STKLD1: variants seen among roughly 807,000 people sequenced by gnomAD.
STKLD1 encodes the protein serine/threonine kinase-like domain-containing protein STKLD1.
STKLD1 carries 79 observed loss-of-function variants against 80.4 expected under a neutral mutation model. The ratio of observed to expected loss-of-function variants is 0.98; its 90% CI spans 0.82 to 1.19. STKLD1 has a LOEUF of 1.19. STKLD1 is among the 50% of genes most tolerant of loss of function. The pLI, the probability that STKLD1 is intolerant of heterozygous loss-of-function variation, is 0.00. For missense variants in STKLD1, 841 were observed against 856.0 expected (o/e 0.98, Z 0.22); for synonymous variants, 393 against 357.6 (o/e 1.10, Z -1.12).
chr9:133,398,468 T>TACA (rs1838617559), intron 11 of STKLD1, among the ~76,000 whole-genome samples: 1 of 152,194 alleles, frequency 6.6e-6, no homozygotes, highest in African/African-American at 2.4e-5. Flanking sequence ...TTTTCACAGA[T>TACA]ACAACTTGCC....
chr9:133,395,693 G>C lies in STKLD1; in HGVS notation c.796G>C (p.Asp266His). 6.2e-7 allele frequency: 1 copy of C among 1,613,518 alleles called. No individual in the cohort carries two copies. Among genetic ancestry groups the C allele is most frequent in the Non-Finnish European group, 8.5e-7 (1 of 1,180,026 alleles). ...LKTMEEKQIP[D>H]VETFRNLLPL... is the part of the protein sequence containing the mutation. Reference sequence around the variant, plus strand: ...GACAATGGAGGAGAAGCAGATCCCGGATGTGGAAACCTTCAGGAATCTTCT... The same window carrying C: ...GACAATGGAGGAGAAGCAGATCCCGCATGTGGAAACCTTCAGGAATCTTCT... The change falls in exon 9 of 18, where the codon GAT becomes CAT. Residue 266 changes from aspartate to histidine, a missense_variant. Transcript: ENST00000371957.
intron 2 of STKLD1, among the ~76,000 whole-genome samples, chr9:133,380,556 C>T (rs1478417108): frequency 2.0e-5 from 3 of 151,990 alleles, no homozygotes; most frequent in Non-Finnish European, 4.4e-5. Flanking sequence ...TGGGAGCTGA[C>T]GCGGGAGAAT....
chr9:133,387,198 G>A (rs1376386544), intron 4 of STKLD1, among the ~76,000 whole-genome samples: 3 of 152,202 alleles, frequency 2.0e-5, no homozygotes, highest in African/African-American at 7.2e-5. Context: ...GGGGACAAGT[G>A]CAGCTTTTGG....
At chr9:133,380,566 T>A (rs1290277226) in intron 2 of STKLD1, among the ~76,000 whole-genome samples, 1 of 152,084 alleles carries the variant, frequency 6.6e-6, no homozygotes, top group Admixed American at 6.6e-5. Context: ...CGCGGGAGAA[T>A]TGCTTGAACC....
chr9:133,376,601 GT>G, intron 1 of STKLD1, 41 bp downstream of exon 1: 1 of 1,524,286 alleles, frequency 6.6e-7, no homozygotes, highest in Non-Finnish European at 8.8e-7. Context: ...GCTCCGTGGG[GT>G]AACGGTCGCA....
chr9:133,404,024 C>T lies in STKLD1; in HGVS notation c.1708C>T (p.Leu570=). ...GCTGGTGAACAATGCCTACCGGGGA[C>T]TGGCCAGCCTGGTGAAGGTGTCAGG... The part of the protein sequence containing the change: ...ALLVNNAYRG[L]ASLVKVSELA... The change falls in exon 16 of 18, where the codon CTG becomes TTG. Residue 570 remains leucine (L), a synonymous_variant. Coordinates refer to ENST00000371957, the MANE Select transcript of STKLD1 (RefSeq NM_153710.5). 6.2e-7 allele frequency: 1 copy of T among 1,608,550 alleles called. No individual in the cohort carries two copies. The highest frequency in any genetic ancestry group is 1.8e-4 in the Middle Eastern group (1 of 5,568).
chr9:133,383,847 C>T lies in STKLD1; in HGVS notation c.175-9C>T, dbSNP rs1303859134. Reference sequence around the variant, plus strand: ...TGTTTATTAAGCTCATGCTCTTGTGCCCTTGCAGGTGGAATGCATGGATGA... The same window carrying T: ...TGTTTATTAAGCTCATGCTCTTGTGTCCTTGCAGGTGGAATGCATGGATGA... On this transcript the variant is annotated splice_polypyrimidine_tract_variant and intron_variant, in intron 2 of 17. Transcript: ENST00000371957. 1 of 1,613,526 alleles carries T rather than the reference C, an allele frequency of 6.2e-7. No individual in the cohort carries two copies.
intron 11 of STKLD1, among the ~76,000 whole-genome samples, chr9:133,399,231 C>A (rs1160816798): frequency 6.6e-6 from 1 of 152,224 alleles, no homozygotes; most frequent in East Asian, 1.9e-4. Context: ...CTGAACATTA[C>A]CTTCACATAT....
In STKLD1 at chr9:133,389,697, A is replaced by T. The variant is rs1413677897; in HGVS notation, c.467+101A>T. ...GTGCCCGTGGGCAGGATCTGGGGAG[A>T]AAGGTGCACCGGGCCAGTGCAGCCA... On this transcript the variant is annotated intron_variant, in intron 6 of 17. Coordinates refer to ENST00000371957, the MANE Select transcript of STKLD1 (RefSeq NM_153710.5). This position sits in a 1 kb window ranked among gnomAD's most constrained non-coding sequence, Gnocchi z 6.4. 1.9e-6 allele frequency: 3 copies of T among 1,551,296 alleles called. No individual in the cohort carries two copies. The Admixed American group carries it at 5.7e-5, about 29-fold the overall frequency.
At chr9:133,397,029 A>T (rs1838579615) in intron 9 of STKLD1, 135 bp from the exon 10 acceptor site, 1 of 1,316,240 alleles carries the variant, frequency 7.6e-7, no homozygotes, top group Non-Finnish European at 1.0e-6. Context: ...CTGCCAAATG[A>T]ATCCCAAAAC....
chr9:133,378,306 C>A (rs1296078965), intron 1 of STKLD1, among the ~76,000 whole-genome samples: 1 of 152,196 alleles, frequency 6.6e-6, no homozygotes, highest in Non-Finnish European at 1.5e-5. Flanking sequence ...TCCTCTGGGT[C>A]CTGCCCTCCC....
chr9:133,386,124 G>C (rs1013227782), intron 4 of STKLD1, among the ~76,000 whole-genome samples: 1 of 152,158 alleles, frequency 6.6e-6, no homozygotes, highest in African/African-American at 2.4e-5. Flanking sequence ...TCACCATGTT[G>C]GCTGGGCTGG....
chr9:133,404,850 G>A lies in STKLD1; in HGVS notation c.1794G>A (p.Lys598=), dbSNP rs1457665024. 6.2e-7 allele frequency: 1 copy of A among 1,613,058 alleles called. No individual in the cohort carries two copies. Among genetic ancestry groups the A allele is most frequent in the Non-Finnish European group, 8.5e-7 (1 of 1,179,642 alleles). ...GCGGCAGTGGCCTCAGCCTCATCAAGGAGACCTACCAGCTCCACAGGGACG... is the reference window on the plus strand; with the variant it reads ...GCGGCAGTGGCCTCAGCCTCATCAAAGAGACCTACCAGCTCCACAGGGACG... The part of the protein sequence containing the change: ...EEGGSGLSLI[K]ETYQLHRDDP... Residue 598 remains lysine, a synonymous_variant, in exon 17 of 18, where the codon AAG becomes AAA. Coordinates refer to ENST00000371957, the MANE Select transcript of STKLD1 (RefSeq NM_153710.5).
intron 2 of STKLD1, among the ~76,000 whole-genome samples, chr9:133,382,333 A>T (rs2130268209): frequency 8.5e-5 from 13 of 152,366 alleles, no homozygotes; most frequent in African/African-American, 2.9e-4. Context: ...CAAAAGGAGC[A>T]AAGATGTTCT....
Position 133,390,200 on chromosome 9 carries a change from C to A in STKLD1, c.468-481C>A, listed in dbSNP as rs1253449439. On this transcript the variant is annotated intron_variant, in intron 6 of 17. Transcript: ENST00000371957. This position sits in a 1 kb window ranked among gnomAD's most constrained non-coding sequence, Gnocchi z 5.1. ...CTGGGCAACCCTGACTTAAAACACA[C>A]ACACACACACACACACACACACACA... is the stretch of plus-strand genomic sequence containing the variant. Among the ~76,000 whole-genome samples, 1 of 3,264 alleles carries A rather than the reference C, an allele frequency of 3.1e-4. No homozygotes were observed. The highest frequency in any genetic ancestry group is 1.6e-3 in the Non-Finnish European group (1 of 618). The allele number at this position is 3,264 out of a possible 152,430, so 2.1% of individuals were successfully genotyped here. A position where few individuals can be genotyped will look rare whatever the true frequency, so the allele number is the denominator to read the frequency against.
chr9:133,402,771 C>G, intron 13 of STKLD1, 107 bp from the exon 14 acceptor site: 1 of 1,289,482 alleles, frequency 7.8e-7, no homozygotes, highest in Non-Finnish European at 1.1e-6. Context: ...CCAGAGCAGG[C>G]ACCTAGGATT....
chr9:133,397,418 A>AGTGGG, intron 10 of STKLD1, 124 bp downstream of exon 10: 1 of 1,289,142 alleles, frequency 7.8e-7, no homozygotes. Context: ...ATGCACGACC[A>AGTGGG]GTGGGTAGGA....
intron 14 of STKLD1, 53 bp from the exon 15 acceptor site, chr9:133,403,647 C>T: frequency 1.3e-6 from 2 of 1,586,530 alleles, no homozygotes; most frequent in Non-Finnish European, 1.7e-6. Context: ...GGAAGGCCCC[C>T]CTGCACACAC....
chr9:133,379,572 G>C (rs2119204093), intron 2 of STKLD1, among the ~76,000 whole-genome samples: 1 of 152,338 alleles, frequency 6.6e-6, no homozygotes, highest in South Asian at 2.1e-4. Flanking sequence ...TACCAAAAGG[G>C]AGCCAGGCCC....
Sources: gnomAD v4.1 joint callset for allele counts (sites outside exome capture counted in the v4.1 genomes callset) on GRCh38, gnomAD v4.1.1 for gene constraint, Gnocchi (gnomAD v3.1) non-coding constraint, MANE v1.5 for transcripts, NCBI Gene and HGNC (gene_info 2026-07-23, HGNC 2026-07-21) for gene names.